The following POLR2F variants were observed in gnomAD, a reference collection of about 807,000 sequenced individuals.
POLR2F encodes the protein RNA polymerase II, I and III subunit F.
In POLR2F, 12 loss-of-function variants were observed where a neutral mutation model predicts 22.7. The ratio of observed to expected loss-of-function variants is 0.53; its 90% CI spans 0.34 to 0.86. POLR2F has a LOEUF of 0.86. POLR2F is among the 40% of genes least tolerant of loss of function. The pLI is 0.02. For synonymous variants in POLR2F, 57 were observed against 66.0 expected, an observed-to-expected ratio of 0.86 and a Z score of 0.66; for missense variants, 126 against 171.5, an observed-to-expected ratio of 0.73 and a Z score of 1.48.
chr22:37,973,616 T>C (rs1400653971), downstream of POLR2F: 2 of 1,613,486 alleles, frequency 1.2e-6, no homozygotes, highest in Admixed American at 3.3e-5. Flanking sequence ...GGGCCCCATA[T>C]AGGAGAAGGC....
chr22:37,960,625 T>C (rs1014319915), intron 3 of POLR2F, among the ~76,000 whole-genome samples: 2 of 151,566 alleles, frequency 1.3e-5, no homozygotes, highest in Non-Finnish European at 2.9e-5. Flanking sequence ...TTGGTCTCTT[T>C]CTCCTGACCT....
intron 1 of POLR2F, among the ~76,000 whole-genome samples, chr22:37,996,243 G>T (rs903139253): frequency 1.2e-3 from 180 of 152,330 alleles, no homozygotes; most frequent in African/African-American, 4.2e-3. Flanking sequence ...GGACAGGGCA[G>T]ATCTGTCAGC....
chr22:38,018,990 A>T lies in POLR2F; in HGVS notation c.121-6879A>T, dbSNP rs180900431. On this transcript the variant is annotated intron_variant, in intron 1 of 2. Transcript: ENST00000333418. ...TCAGGATTTCCAGAAGATCCTGGGG[A>T]TGCTTTGGGGCTGGGAAACATGGCT... Among the ~76,000 whole-genome samples the T allele has an allele frequency of 2.2e-4, 33 of 152,200 alleles. No individual in the cohort carries two copies. The East Asian group carries it at 6.0e-3, about 28-fold the overall frequency.
chr22:37,967,287 A>G, intron 4 of POLR2F, 117 bp downstream of exon 4: 1 of 1,551,486 alleles, frequency 6.4e-7, no homozygotes, highest in Non-Finnish European at 8.7e-7. Flanking sequence ...TTATTCCTAC[A>G]GATCCTTAGG....
At position 37,986,644 on chromosome 22, in the gene POLR2F, C is replaced by G. The variant is rs1051466626; in HGVS notation, c.120+332C>G. The G allele has an allele frequency of 6.4e-6, 4 of 626,994 alleles. No individual in the cohort carries two copies. The highest frequency in any genetic ancestry group is 1.5e-5 in the South Asian group (1 of 65,988). 38.8% of individuals were successfully genotyped at this position (626,994 alleles called of 1,614,324 possible). A position where few individuals can be genotyped will look rare whatever the true frequency, so the allele number is the denominator to read the frequency against. On this transcript the variant is annotated intron_variant, in intron 1 of 2. Coordinates refer to the POLR2F transcript ENST00000333418. This position sits in a 1 kb window ranked among gnomAD's most constrained non-coding sequence, Gnocchi z 4.7. ...TTGTCCCCGCACAGACACTGCCTTC[C>G]TCTCAGGGCTGTGCTGGGCTTTTTG... is the stretch of plus-strand genomic sequence containing the variant.
At chr22:37,984,854 AG>A (rs1476140739), upstream of POLR2F, among the ~76,000 whole-genome samples, 1 of 152,150 alleles carries the variant, frequency 6.6e-6, no homozygotes, top group Non-Finnish European at 1.5e-5. The surrounding 1 kb of genome is among the most constrained non-coding windows in gnomAD (Gnocchi z 4.4). Flanking sequence ...GGGCCCAACC[AG>A]GACTCCTAAC....
chr22:37,959,102 C>G (rs1448217794), intron 2 of POLR2F, among the ~76,000 whole-genome samples: 1 of 152,146 alleles, frequency 6.6e-6, no homozygotes, highest in Non-Finnish European at 1.5e-5. Flanking sequence ...ACCTCCATTA[C>G]CAGGTCTGAG....
Position 37,978,179 on chromosome 22 carries a change from G to C in POLR2F, c.293+11009G>C, listed in dbSNP as rs1389607029. The C allele has an allele frequency of 6.7e-7, 1 of 1,485,026 alleles. No individual in the cohort carries two copies. Among genetic ancestry groups the C allele is most frequent in the Non-Finnish European group, 8.9e-7 (1 of 1,117,438 alleles). The allele number at this position is 1,485,026 out of a possible 1,614,324, so 92.0% of individuals were successfully genotyped here. ...CGGAGAGGACAGCAGAGGGGCTGGC[G>C]TGAATGCCAGAGCACTCCAGGTTGG... is the stretch of plus-strand genomic sequence containing the variant. On this transcript the variant is annotated intron_variant, in intron 4 of 4. Transcript: ENST00000405557. This position sits in a 1 kb window ranked among gnomAD's most constrained non-coding sequence, Gnocchi z 5.0.
chr22:37,957,436 A>G (rs1410319768), intron 2 of POLR2F, among the ~76,000 whole-genome samples: 1 of 152,148 alleles, frequency 6.6e-6, no homozygotes, highest in Non-Finnish European at 1.5e-5. Context: ...GGGGCTGAGA[A>G]AGTGAGTGGT....
chr22:37,982,217 G>A (rs1932421426), upstream of POLR2F, among the ~76,000 whole-genome samples: 1 of 152,224 alleles, frequency 6.6e-6, no homozygotes, highest in African/African-American at 2.4e-5. Flanking sequence ...TCTGGACAGA[G>A]AGTATGGGAG....
At chr22:38,038,306 G>C (rs893432382) in intron 5 of POLR2F, among the ~76,000 whole-genome samples, 4 of 152,166 alleles carry the variant, frequency 2.6e-5, no homozygotes, top group African/African-American at 9.7e-5. Flanking sequence ...AGGATTCAGA[G>C]GGCGTCCTCT....
At chr22:38,030,871 C>T (rs868176304), downstream of POLR2F, among the ~76,000 whole-genome samples, 1 of 152,098 alleles carries the variant, frequency 6.6e-6, no homozygotes, top group Non-Finnish European at 1.5e-5. Context: ...CCACCCCACC[C>T]CCAGCTCAGT....
At chr22:38,022,366 A>G (rs562994986) in intron 1 of POLR2F, among the ~76,000 whole-genome samples, 2 of 152,066 alleles carry the variant, frequency 1.3e-5, no homozygotes, top group Admixed American at 1.3e-4. Context: ...AGCCTGACCA[A>G]CATGGTGAAA....
At chr22:38,026,268 G>A (rs1251469271) in intron 2 of POLR2F, 6 of 533,106 alleles carry the variant, frequency 1.1e-5, no homozygotes, top group Non-Finnish European at 1.5e-5. Context: ...TTTCCCTCCT[G>A]CCCAGGGTAG....
At chr22:37,959,517 C>T in intron 3 of POLR2F, 41 bp downstream of exon 3, 1 of 1,603,978 alleles carries the variant, frequency 6.2e-7, no homozygotes. Context: ...ATCTGTCAGG[C>T]CACAGTAAGC....
chr22:37,973,735 G>C (rs752779035), downstream of POLR2F: 3 of 1,603,748 alleles, frequency 1.9e-6, no homozygotes, highest in Non-Finnish European at 2.6e-6. Context: ...CTGAGCCATA[G>C]TGGGGCAGGC....
At chr22:37,992,546 C>T (rs753726342) in intron 1 of POLR2F, among the ~76,000 whole-genome samples, 30 of 152,100 alleles carry the variant, frequency 2.0e-4, no homozygotes, top group Admixed American at 5.2e-4. Context: ...AAGTGCACAT[C>T]GCCATGCTTT....
chr22:38,007,572 G>A (rs776682326), intron 1 of POLR2F, among the ~76,000 whole-genome samples: 3 of 152,244 alleles, frequency 2.0e-5, no homozygotes, highest in Non-Finnish European at 2.9e-5. Flanking sequence ...CCGCTTTCAC[G>A]TCTGCAAAAT....
chr22:37,984,127 T>G, upstream of POLR2F: 1 of 187,738 alleles, frequency 5.3e-6, no homozygotes, highest in Non-Finnish European at 1.1e-5. The surrounding 1 kb of genome is among the most constrained non-coding windows in gnomAD (Gnocchi z 4.4). Flanking sequence ...TTGTTGATGA[T>G]AAGGAAGAAA....
Sources: allele counts gnomAD v4.1 joint callset (sites outside exome capture counted in the v4.1 genomes callset), GRCh38; gene constraint gnomAD v4.1.1; non-coding constraint Gnocchi (gnomAD v3.1); transcripts MANE v1.5; gene names NCBI Gene and HGNC (gene_info 2026-07-23, HGNC 2026-07-21).